The following LAMA4 variants were observed in gnomAD, a reference collection of about 807,000 sequenced individuals.
LAMA4 encodes the protein laminin subunit alpha-4.
In LAMA4, 127 loss-of-function variants were observed where a neutral mutation model predicts 207.1. The observed-to-expected ratio is 0.61, with a 90% CI of 0.53 to 0.71. The LOEUF (loss-of-function observed/expected upper bound fraction) is 0.71. Ranked by LOEUF, LAMA4 falls within the 30% of genes least tolerant of loss-of-function variation. The probability of loss-of-function intolerance (pLI) is 0.00; values close to 1 mark genes in which losing one functional copy is unlikely to be tolerated. For synonymous variants in LAMA4, 761 were observed against 816.0 expected (o/e 0.93, Z 1.15); for missense variants, 2,093 against 2,246.5 (o/e 0.93, Z 1.38).
chr6:112,230,844 A>G (rs1006371509), intron 2 of LAMA4, among the ~76,000 whole-genome samples: 18 of 152,238 alleles, frequency 1.2e-4, no homozygotes, highest in African/African-American at 4.1e-4. Flanking sequence ...TTACAGAAAC[A>G]CAGAATGCCA....
At chr6:112,205,329 A>G (rs192948372) in intron 4 of LAMA4, among the ~76,000 whole-genome samples, 13 of 152,300 alleles carry the variant, frequency 8.5e-5, no homozygotes, top group Non-Finnish European at 2.9e-5. Flanking sequence ...TCACAACTCT[A>G]TGATGCAGAT....
At chr6:112,126,799 T>C (rs115189781) in intron 31 of LAMA4, among the ~76,000 whole-genome samples, 5 of 152,216 alleles carry the variant, frequency 3.3e-5, no homozygotes, top group Admixed American at 1.3e-4. Context: ...AATTTGTCCA[T>C]CAGAATTGCA....
In LAMA4 at chr6:112,159,139, A is replaced by G. The variant is rs562828225; in HGVS notation, c.1669-259T>C. On this transcript the variant is annotated intron_variant, in intron 13 of 38. Transcript: ENST00000230538. ...CATTTCAGACCTAAAAACTAAAACT[A>G]AACTAAAACCTTCAATTATCCACAC... The G allele has an allele frequency of 1.5e-4, 67 of 454,424 alleles. 2 individuals carry two copies. The South Asian group carries it at 1.5e-3, about 10-fold the overall frequency. 28.1% of individuals were successfully genotyped at this position (454,424 alleles called of 1,614,324 possible).
In LAMA4 at chr6:112,129,014, G is replaced by A. The variant is rs782474913; in HGVS notation, c.4195C>T (p.Leu1399Phe). Reference protein sequence around the residue: ...QRYTEKVHTSLYECPIESSPL... With the variant: ...QRYTEKVHTSFYECPIESSPL... The stretch of plus-strand genomic sequence containing the variant: ...GAAGACTCAATGGGACACTCATAAA[G>A]AGAAGTGTGGACCTTTTCAGTATAC... The change falls in exon 31 of 39, where the codon CTT becomes TTT. Residue 1399 changes from leucine to phenylalanine, a missense_variant. This residue lies in a region of LAMA4 where 1,704 missense variants were observed against 1,788.4 expected (regional missense o/e 0.95). Coordinates refer to ENST00000230538, the MANE Select transcript of LAMA4 (RefSeq NM_001105206.3). 1 of 1,612,480 alleles carries A rather than the reference G, an allele frequency of 6.2e-7. No homozygotes were observed. The highest frequency in any genetic ancestry group is 2.2e-5 in the East Asian group (1 of 44,814).
intron 23 of LAMA4, 72 bp downstream of exon 23, chr6:112,139,680 T>C: frequency 6.4e-7 from 1 of 1,561,780 alleles, no homozygotes. Context: ...ACCTGAATAT[T>C]GACTCATACT....
Position 112,178,054 on chromosome 6 carries a change from G to A in LAMA4, c.1189+67C>T, listed in dbSNP as rs1583807204. The A allele has an allele frequency of 2.1e-5, 23 of 1,100,770 alleles. No individual in the cohort carries two copies. In the South Asian group the frequency reaches 2.9e-4, roughly 14 times the overall value. 68.2% of individuals were successfully genotyped at this position (1,100,770 alleles called of 1,614,324 possible). On this transcript the variant is annotated intron_variant, in intron 10 of 38. Transcript: ENST00000230538. ...GCAAACACTTAACAGTAGCCATTAT[G>A]CCTACTGATGTTAATAACATAAGTG... is the stretch of plus-strand genomic sequence containing the variant.
At chr6:112,179,104 C>T (rs958939317) in intron 9 of LAMA4, 3 of 152,132 alleles carry the variant, frequency 2.0e-5, no homozygotes, top group Non-Finnish European at 4.4e-5. Context: ...AATAACTGCT[C>T]AAGCAGATTT....
chr6:112,173,582 G>A (rs1448919818), intron 11 of LAMA4, among the ~76,000 whole-genome samples: 10 of 152,200 alleles, frequency 6.6e-5, no homozygotes, highest in African/African-American at 2.2e-4. Context: ...GAGGTGACAA[G>A]CTTGGAAACA....
chr6:112,193,733 A>G (rs1783252656), intron 5 of LAMA4, among the ~76,000 whole-genome samples: 2 of 152,202 alleles, frequency 1.3e-5, no homozygotes, highest in African/African-American at 4.8e-5. Flanking sequence ...TTCCAGGGTC[A>G]CATAGCTGGA....
At chr6:112,186,724 T>A (rs895550186) in intron 8 of LAMA4, 1 of 447,236 alleles carries the variant, frequency 2.2e-6, no homozygotes, top group Non-Finnish European at 4.4e-6. Context: ...GTTGTTACAC[T>A]GTATTTTTCT....
rs1554332386 is a variant in LAMA4, at chr6:112,139,234, A to G, written c.3168T>C (p.Gly1056=). Reference sequence around the variant, plus strand: ...TTGTGATGTCTCTCACCACGGCATAACCGGAGCCATCGAAGAAGTAACTGG... The same window carrying G: ...TTGTGATGTCTCTCACCACGGCATAGCCGGAGCCATCGAAGAAGTAACTGG... ...RAASYFFDGS[G]YAVVRDITRR... is the part of the protein sequence containing the mutation. The change falls in exon 24 of 39, where the codon GGT becomes GGC. Residue 1056 remains glycine, a synonymous_variant. Coordinates refer to ENST00000230538, the MANE Select transcript of LAMA4 (RefSeq NM_001105206.3). 6.2e-7 allele frequency: 1 copy of G among 1,614,190 alleles called. No homozygotes were observed. The highest frequency in any genetic ancestry group is 8.5e-7 in the Non-Finnish European group (1 of 1,180,010).
chr6:112,130,285 T>A (rs544538535), intron 29 of LAMA4: 1 of 523,408 alleles, frequency 1.9e-6, no homozygotes, highest in South Asian at 2.1e-5. Flanking sequence ...AGATGACTAG[T>A]CATCAGCATT....
chr6:112,181,861 G>C (rs1438205490), intron 9 of LAMA4, among the ~76,000 whole-genome samples: 7 of 152,128 alleles, frequency 4.6e-5, no homozygotes, highest in African/African-American at 1.7e-4. Flanking sequence ...CACTTTGGGA[G>C]GCCGAGGCGG....
chr6:112,113,947 A>G, intron 38 of LAMA4, 129 bp downstream of exon 38: 2 of 1,069,622 alleles, frequency 1.9e-6, no homozygotes, highest in Non-Finnish European at 2.9e-6. Flanking sequence ...TTCCATTTAA[A>G]CAACACTGTA....
intron 9 of LAMA4, chr6:112,179,835 C>T (rs1284531877): frequency 1.4e-5 from 7 of 499,666 alleles, no homozygotes; most frequent in South Asian, 7.8e-5. Context: ...CACTGTGCAG[C>T]GGCAATGTGG....
At chr6:112,165,053 A>G in intron 13 of LAMA4, 107 bp downstream of exon 13, 1 of 780,584 alleles carries the variant, frequency 1.3e-6, no homozygotes, top group South Asian at 1.4e-5. Flanking sequence ...TGATCTTTAT[A>G]ATGCCTGCTC....
Position 112,169,491 on chromosome 6 carries a change from A to G in LAMA4, c.1551+3120T>C, listed in dbSNP as rs1562688500. Among the ~76,000 whole-genome samples, 3 of 152,236 alleles carry G rather than the reference A, an allele frequency of 2.0e-5. 1 individual carries two copies. The highest frequency in any genetic ancestry group is 2.0e-4 in the Admixed American group (3 of 15,282). Reference sequence around the variant, plus strand: ...TGAATAAGGATGCAGACCCACAAATAAATCCCTTTTAAGGACTGAAGCAGT... The same window carrying G: ...TGAATAAGGATGCAGACCCACAAATGAATCCCTTTTAAGGACTGAAGCAGT... On this transcript the variant is annotated intron_variant, in intron 12 of 38. Transcript: ENST00000230538.
intron 26 of LAMA4, 86 bp downstream of exon 26, chr6:112,134,381 T>G (rs1018064347): frequency 7.6e-7 from 1 of 1,324,336 alleles, no homozygotes; most frequent in Admixed American, 1.7e-5. Context: ...CAAGTAAGGG[T>G]GCGTACACTG....
chr6:112,162,929 A>C (rs1781143168), intron 13 of LAMA4, among the ~76,000 whole-genome samples: 1 of 150,552 alleles, frequency 6.6e-6, no homozygotes, highest in Non-Finnish European at 1.5e-5. Context: ...TCCAGAGCAG[A>C]GATCAACATG....
Sources: gnomAD v4.1 joint callset for allele counts (sites outside exome capture counted in the v4.1 genomes callset) on GRCh38, gnomAD v4.1.1 for gene constraint, gnomAD v4.1.1 regional missense constraint, MANE v1.5 for transcripts, NCBI Gene and HGNC (gene_info 2026-07-23, HGNC 2026-07-21) for gene names.